Variants in BTG4 observed in about 807,000 individuals in gnomAD.
The protein encoded by BTG4 is protein BTG4.
A neutral mutation model predicts 19.3 loss-of-function variants in BTG4; 10 were observed. That is an observed-to-expected ratio of 0.52 (90% CI 0.32 to 0.88). The LOEUF (loss-of-function observed/expected upper bound fraction) is 0.88. Ranked by LOEUF, BTG4 falls within the 40% of genes least tolerant of loss-of-function variation. The pLI, the probability that BTG4 is intolerant of heterozygous loss-of-function variation, is 0.04. For missense variants in BTG4, 238 were observed against 281.9 expected (o/e 0.84, Z 1.11); for synonymous variants, 91 against 95.7 (o/e 0.95, Z 0.29).
chr11:111,509,443 A>T (rs1866700130), intron 1 of BTG4, among the ~76,000 whole-genome samples: 1 of 152,110 alleles, frequency 6.6e-6, no homozygotes, highest in Non-Finnish European at 1.5e-5. Flanking sequence ...TAATGCTAGC[A>T]CTGTGAGAGG....
At chr11:111,416,094 T>A in the BTG4 span, 1 of 152,122 alleles carries the variant, frequency 6.6e-6, no homozygotes, top group East Asian at 1.9e-4. Context: ...CCTTTGTTGT[T>A]AAGTTCCAGG....
intron 5 of BTG4, among the ~76,000 whole-genome samples, chr11:111,468,832 GT>G (rs1050259586): frequency 1.3e-5 from 2 of 152,162 alleles, no homozygotes; most frequent in African/African-American, 4.8e-5. Context: ...TTGGGGATGG[GT>G]CTCGAGAACA....
At chr11:111,428,012 G>A in the BTG4 span, among the ~76,000 whole-genome samples, 49 of 152,050 alleles carry the variant, frequency 3.2e-4, no homozygotes, top group Non-Finnish European at 2.8e-4. Context: ...ACAAGCCCCC[G>A]GCAAGCAGCT....
At chr11:111,386,799 A>C in the BTG4 span, among the ~76,000 whole-genome samples, 22 of 152,384 alleles carry the variant, frequency 1.4e-4, 3 homozygotes, top group South Asian at 4.1e-3. Flanking sequence ...TGTTGCCTTC[A>C]GGCAATTTCC....
chr11:111,401,628 T>C, the BTG4 span, among the ~76,000 whole-genome samples: 1 of 152,226 alleles, frequency 6.6e-6, no homozygotes, highest in East Asian at 1.9e-4. Context: ...GTGGGCAATG[T>C]CATTCATGCA....
At chr11:111,501,127 G>C (rs1422271768) in intron 1 of BTG4, among the ~76,000 whole-genome samples, 1 of 151,920 alleles carries the variant, frequency 6.6e-6, no homozygotes, top group African/African-American at 2.4e-5. Flanking sequence ...CAAACACTTT[G>C]GTCCCAGGCG....
chr11:111,475,837 G>T (rs1864366412), intron 5 of BTG4, among the ~76,000 whole-genome samples: 4 of 152,192 alleles, frequency 2.6e-5, no homozygotes. Context: ...GTCCCACATG[G>T]CTGGGGAGAC....
the BTG4 span, among the ~76,000 whole-genome samples, chr11:111,389,525 A>C: frequency 3.3e-4 from 51 of 152,354 alleles, no homozygotes; most frequent in East Asian, 9.2e-3. Flanking sequence ...AAAGTCTGAC[A>C]TTCAGTCAAT....
At chr11:111,405,415 A>AAAAAAAAAAAAAAAAAAAAAAAAAAAG in the BTG4 span, among the ~76,000 whole-genome samples, 1 of 133,586 alleles carries the variant, frequency 7.5e-6, no homozygotes, top group African/African-American at 3.3e-5. Flanking sequence ...AAAAAAAAAA[A>AAAAAAAAAAAAAAAAAAAAAAAAAAAG]AAAAAAAAAA....
chr11:111,394,571 A>G, the BTG4 span, among the ~76,000 whole-genome samples: 4 of 152,278 alleles, frequency 2.6e-5, no homozygotes, highest in Admixed American at 2.0e-4. Context: ...CTTTTTCTTT[A>G]TAAGATACCC....
intron 5 of BTG4, among the ~76,000 whole-genome samples, chr11:111,476,269 A>T (rs1037896666): frequency 2.6e-5 from 4 of 152,154 alleles, no homozygotes; most frequent in Admixed American, 6.6e-5. Context: ...AGATAATGAA[A>T]GATGACTAAT....
At chr11:111,480,105 C>T (rs577782844) in intron 5 of BTG4, among the ~76,000 whole-genome samples, 3 of 151,854 alleles carry the variant, frequency 2.0e-5, no homozygotes, top group East Asian at 3.9e-4. Flanking sequence ...AAACTCACCT[C>T]GAATATAATA....
At chr11:111,495,336 A>T (rs986210893) in intron 4 of BTG4, 22 bp from the exon 5 acceptor site, 2 of 1,591,680 alleles carry the variant, frequency 1.3e-6, no homozygotes, top group African/African-American at 2.7e-5. Context: ...AAGTATAAAG[A>T]TCTCTAATAA....
At chr11:111,475,022 G>A (rs1471826063) in intron 5 of BTG4, 4 of 152,278 alleles carry the variant, frequency 2.6e-5, no homozygotes, top group Non-Finnish European at 5.9e-5. Context: ...TATTTATTCT[G>A]CAACTATTTC....
rs140763145 is a variant in BTG4, at chr11:111,496,873, G to A, written c.510+338C>T. ...TATATCCAAATTTTCTATAAATGCCGTGGTATTTTCAATTGACAGAAAAAA... is the reference window on the plus strand; with the variant it reads ...TATATCCAAATTTTCTATAAATGCCATGGTATTTTCAATTGACAGAAAAAA... On this transcript the variant is annotated intron_variant, in intron 4 of 4. Transcript: ENST00000692032. 64 of 274,896 alleles carry A rather than the reference G, an allele frequency of 2.3e-4. 1 individual carries two copies. In the South Asian group the frequency reaches 5.6e-3, roughly 24 times the overall value. The allele number at this position is 274,896 out of a possible 1,614,324, so 17.0% of individuals were successfully genotyped here. A position where few individuals can be genotyped will look rare whatever the true frequency, so the allele number is the denominator to read the frequency against.
the BTG4 span, chr11:111,454,179 G>A: frequency 2.4e-6 from 1 of 421,860 alleles, no homozygotes; most frequent in Non-Finnish European, 4.7e-6. Flanking sequence ...AAGATCTGTA[G>A]GGAAGCTCAT....
In BTG4 at chr11:111,497,277, A is replaced by G. The variant is rs1437593885; in HGVS notation, c.444T>C (p.Asp148=). 1.9e-6 allele frequency: 3 copies of G among 1,612,470 alleles called. No homozygotes were observed. In the Admixed American group the frequency reaches 5.0e-5, roughly 27 times the overall value. ...GAGGTTCCTTGCTACAACTTTCTTC[A>G]TCGCAGGAAGTGCCAGAGGAAACGT... The part of the protein sequence containing the change: ...SSDVSSGTSC[D]EESCSKEPRV... Residue 148 remains aspartate (D), a synonymous_variant, in exon 4 of 5, where the codon GAT becomes GAC. Coordinates refer to ENST00000692032, the MANE Select transcript of BTG4 (RefSeq NM_001367975.1).
the BTG4 span, chr11:111,459,668 T>A: frequency 6.6e-6 from 1 of 152,596 alleles, no homozygotes; most frequent in African/African-American, 2.4e-5. Context: ...CAGCCCTGTA[T>A]GGAATGGAGA....
the BTG4 span, among the ~76,000 whole-genome samples, chr11:111,447,270 A>G: frequency 7.2e-5 from 11 of 152,222 alleles, no homozygotes; most frequent in Non-Finnish European, 1.5e-4. Context: ...CTGGGTATGC[A>G]TATTCTTTAA....
Sources: allele counts gnomAD v4.1 joint callset (sites outside exome capture counted in the v4.1 genomes callset), GRCh38; gene constraint gnomAD v4.1.1; transcripts MANE v1.5; gene names NCBI Gene and HGNC (gene_info 2026-07-23, HGNC 2026-07-21).